The following KCP variants were observed in gnomAD, a reference collection of about 807,000 sequenced individuals.
KCP encodes kielin/chordin-like protein.
A neutral mutation model predicts 212.7 loss-of-function variants in KCP; 194 were observed. The observed-to-expected ratio is 0.91, with a 90% CI of 0.81 to 1.03. The LOEUF (loss-of-function observed/expected upper bound fraction) is 1.03, where lower values mean the gene tolerates loss of function less well. Ranked by LOEUF, KCP falls within the 50% of genes least tolerant of loss-of-function variation. The pLI, the probability that KCP is intolerant of heterozygous loss-of-function variation, is 0.00. For synonymous variants in KCP, 833 were observed against 865.3 expected (o/e 0.96, Z 0.65); for missense variants, 2,080 against 2,162.5 (o/e 0.96, Z 0.76).
chr7:128,885,237 C>T lies in KCP; in HGVS notation c.2900G>A (p.Gly967Asp). Residue 967 changes from glycine (G) to aspartate (D), a missense_variant, in exon 27 of 40, where the codon GGC becomes GAC. Gly to Asp is a moderately conservative substitution (Grantham distance 94). Coordinates refer to ENST00000610776, the MANE Select transcript of KCP (RefSeq NM_001366122.1). ...CLAHGEEHPEGSRWVPPDSAC... is the reference protein window; with the variant it reads ...CLAHGEEHPEDSRWVPPDSAC... ...ACTGTCGGGGGGCACCCATCTACTG[C>T]CTTCGGGGTGCTCTTCCCCATGAGC... The T allele has an allele frequency of 6.5e-7, 1 of 1,548,916 alleles. No individual in the cohort carries two copies. The highest frequency in any genetic ancestry group is 2.4e-5 in the East Asian group (1 of 40,850).
chr7:128,892,884 G>A lies in KCP; in HGVS notation c.1405C>T (p.Pro469Ser). The A allele has an allele frequency of 6.5e-7, 1 of 1,550,138 alleles. No individual in the cohort carries two copies. The highest frequency in any genetic ancestry group is 8.7e-7 in the Non-Finnish European group (1 of 1,146,202). ...AGGCACTCACCAGGGGGCTGGGTGG[G>A]GTGCTGGCAGGGGGCTGGGGGGCAG... Reference protein sequence around the residue: ...VLCPPAPCQHPTQPPGACCPS... With the variant: ...VLCPPAPCQHSTQPPGACCPS... Residue 469 changes from proline to serine, a missense_variant, in exon 14 of 40, where the codon CCC becomes TCC. Pro to Ser is a moderately conservative substitution (Grantham distance 74). Transcript: ENST00000610776.
At position 128,893,441 on chromosome 7, in the gene KCP, C is replaced by G; in HGVS notation, c.1135G>C (p.Glu379Gln). ...CCCCGCTCTTGGAGTCTGAAGGTCT[C>G]CTGGCTCTGATACTGGTGTCCCTGG... ...EYQGHQYQSQ[E>Q]TFRLQERGLC... The change falls in exon 12 of 40, where the codon GAG (glutamate) becomes CAG (glutamine). Residue 379 changes from glutamate (E) to glutamine (Q), a missense_variant. Transcript: ENST00000610776. The G allele has an allele frequency of 6.4e-7, 1 of 1,551,574 alleles. No homozygotes were observed. The highest frequency in any genetic ancestry group is 8.7e-7 in the Non-Finnish European group (1 of 1,146,928).
intron 5 of KCP, 65 bp from the exon 6 acceptor site, chr7:128,904,203 G>T (rs544645962): frequency 1.3e-6 from 2 of 1,525,122 alleles, no homozygotes; most frequent in Non-Finnish European, 1.8e-6. Context: ...ATCACTTGAG[G>T]TAAGGCATGA....
chr7:128,893,495 G>A lies in KCP; in HGVS notation c.1100-19C>T. On this transcript the variant is annotated intron_variant, in intron 11 of 39. Coordinates refer to ENST00000610776, the MANE Select transcript of KCP (RefSeq NM_001366122.1). ...TCACAGCCTGGATGGGATGACAGGGGCGTGGGGGTATAGGGCTGGAGGCAG... is the reference window on the plus strand; with the variant it reads ...TCACAGCCTGGATGGGATGACAGGGACGTGGGGGTATAGGGCTGGAGGCAG... 1 of 1,517,440 alleles carries A rather than the reference G, an allele frequency of 6.6e-7. No homozygotes were observed. Among genetic ancestry groups the A allele is most frequent in the Admixed American group, 2.0e-5 (1 of 50,970 alleles). 94.0% of individuals were successfully genotyped at this position (1,517,440 alleles called of 1,614,324 possible).
At chr7:128,890,539 G>A (rs1794032505) in intron 20 of KCP, 26 bp from the exon 21 acceptor site, 4 of 1,535,490 alleles carry the variant, frequency 2.6e-6, no homozygotes, top group Non-Finnish European at 2.6e-6. Context: ...GGGGCTGGGG[G>A]GCCGTGGGGA....
intron 39 of KCP, 43 bp from the exon 40 acceptor site, chr7:128,877,354 C>T (rs1283355065): frequency 6.5e-7 from 1 of 1,527,380 alleles, no homozygotes; most frequent in East Asian, 2.5e-5. Context: ...GCACCTGAAA[C>T]TGCCCCAGTT....
Position 128,908,587 on chromosome 7 carries a change from C to A in KCP, c.77-19G>T. On this transcript the variant is annotated intron_variant, in intron 1 of 39. Coordinates refer to ENST00000610776, the MANE Select transcript of KCP (RefSeq NM_001366122.1). Reference sequence around the variant, plus strand: ...GCCCCACCTGAAGGGCACAAGAATCCCATGTGGGCCTGAGGGTGAGGGGCT... The same window carrying A: ...GCCCCACCTGAAGGGCACAAGAATCACATGTGGGCCTGAGGGTGAGGGGCT... 1 of 1,545,380 alleles carries A rather than the reference C, an allele frequency of 6.5e-7. No homozygotes were observed. Among genetic ancestry groups the A allele is most frequent in the Non-Finnish European group, 8.8e-7 (1 of 1,142,612 alleles).
intron 28 of KCP, 87 bp downstream of exon 28, chr7:128,884,693 GC>G: frequency 8.1e-7 from 1 of 1,234,460 alleles, no homozygotes. Context: ...CCTGCTCCAT[GC>G]AGTGACCAGC....
chr7:128,893,518 C>A, intron 11 of KCP, 42 bp from the exon 12 acceptor site: 1 of 1,415,054 alleles, frequency 7.1e-7, no homozygotes, highest in African/African-American at 1.4e-5. Flanking sequence ...GGGCTGGAGG[C>A]AGAGGGGAAG....
chr7:128,891,242 G>A lies in KCP; in HGVS notation c.1915C>T (p.Pro639Ser). 6.5e-7 allele frequency: 1 copy of A among 1,546,986 alleles called. No individual in the cohort carries two copies. The highest frequency in any genetic ancestry group is 8.7e-7 in the Non-Finnish European group (1 of 1,146,656). The change falls in exon 19 of 40, where the codon CCG (proline) becomes TCG (serine). Residue 639 changes from proline (P) to serine (S), a missense_variant. Pro to Ser is a moderately conservative substitution (Grantham distance 74). Transcript: ENST00000610776. The part of the protein sequence containing the change: ...NVQCLARRCV[P>S]LPCPEPVLLP... ...AGGACAGGCTCTGGACAGGGCAGCG[G>A]CACGCAGCGGCGGGCCAGGCACTGC...
intron 5 of KCP, 94 bp from the exon 6 acceptor site, chr7:128,904,232 C>T (rs926748378): frequency 4.3e-5 from 66 of 1,522,160 alleles, no homozygotes; most frequent in Non-Finnish European, 5.4e-6. Context: ...AGGTACTGGA[C>T]CCTTGGGGTT....
intron 34 of KCP, 55 bp from the exon 35 acceptor site, chr7:128,880,140 G>GC: frequency 1.1e-5 from 16 of 1,459,176 alleles, no homozygotes; most frequent in Non-Finnish European, 1.3e-5. Context: ...CATGCCTCTC[G>GC]CAGACCCTCC....
Position 128,891,252 on chromosome 7 carries a change from G to A in KCP, c.1905C>T (p.Arg635=), listed in dbSNP as rs575789996. ...CTGGACAGGGCAGCGGCACGCAGCGGCGGGCCAGGCACTGCACGTTGCCGC... is the reference window on the plus strand; with the variant it reads ...CTGGACAGGGCAGCGGCACGCAGCGACGGGCCAGGCACTGCACGTTGCCGC... The part of the protein sequence containing the change: ...CLSGNVQCLA[R]RCVPLPCPEP... Residue 635 remains arginine (R), a synonymous_variant, in exon 19 of 40, where the codon CGC becomes CGT. Coordinates refer to ENST00000610776, the MANE Select transcript of KCP (RefSeq NM_001366122.1). The A allele has an allele frequency of 9.3e-4, 1,437 of 1,546,976 alleles. 13 individuals are homozygous for A. In the African/African-American group the frequency reaches 0.017, roughly 18 times the overall value.
At chr7:128,889,152 C>T (rs781221070) in intron 21 of KCP, 113 bp from the exon 22 acceptor site, 4 of 651,676 alleles carry the variant, frequency 6.1e-6, no homozygotes, top group Middle Eastern at 3.9e-4. Flanking sequence ...AAAGATCTAG[C>T]GTGGGGGCTG....
chr7:128,879,703 C>T lies in KCP; in HGVS notation c.4044+15G>A. On this transcript the variant is annotated intron_variant, in intron 36 of 39. Coordinates refer to ENST00000610776, the MANE Select transcript of KCP (RefSeq NM_001366122.1). ...GCACAGGATCCACCTTCCTCCACTC[C>T]TCGGCTTTGCTCACCGTGACTGCCC... The T allele has an allele frequency of 2.6e-6, 4 of 1,550,040 alleles. No individual in the cohort carries two copies. Among genetic ancestry groups the T allele is most frequent in the Non-Finnish European group, 2.6e-6 (3 of 1,146,856 alleles).
At chr7:128,908,244 A>G (rs750947030) in intron 2 of KCP, among the ~76,000 whole-genome samples, 182 bp downstream of exon 2, 8 of 92,656 alleles carry the variant, frequency 8.6e-5, no homozygotes, top group African/African-American at 3.6e-4. Context: ...AGAAAGGAAG[A>G]AAGAAAGAAG....
chr7:128,877,110 A>G lies in KCP; in HGVS notation c.4820T>C (p.Leu1607Pro), dbSNP rs1333420493. 1.1e-5 allele frequency: 17 copies of G among 1,514,818 alleles called. 1 individual carries two copies. The South Asian group carries it at 2.0e-4, about 18-fold the overall frequency. The allele number at this position is 1,514,818 out of a possible 1,614,324, so 93.8% of individuals were successfully genotyped here. A position where few individuals can be genotyped will look rare whatever the true frequency, so the allele number is the denominator to read the frequency against. The stretch of plus-strand genomic sequence containing the variant: ...ACCAAGTGGCTGGTCTCCAGTGAGC[A>G]GGACTTGGGGGCAGGCCTCGGGTGG... ...CIPPEACPQV[L>P]LTGDQPLGAR... The change falls in exon 40 of 40, where the codon CTG becomes CCG. Residue 1607 changes from leucine (L) to proline (P), a missense_variant. Transcript: ENST00000610776.
rs1563015350 is a variant in KCP, at chr7:128,877,218, TC to T, written c.4711del (p.Glu1571SerfsTer7). On this transcript the variant is annotated frameshift_variant, in exon 40 of 40. Coordinates refer to ENST00000610776, the MANE Select transcript of KCP (RefSeq NM_001366122.1). LOFTEE classifies it high-confidence loss of function. Reference protein sequence around the residue: ...TCFNQHIPLGELAAHCVRPCV... With the variant: ...TCFNQHIPLGXLAAHCVRPCV... ...GGGCCTCACGCAGTGGGCTGCCAGC[TC>T]CCCCAGGGGGATATGCTGATTGAAG... 1.4e-6 allele frequency: 2 copies of T among 1,478,202 alleles called. No individual in the cohort carries two copies. The highest frequency in any genetic ancestry group is 5.0e-5 in the East Asian group (2 of 40,114). The allele number at this position is 1,478,202 out of a possible 1,614,324, so 91.6% of individuals were successfully genotyped here.
At chr7:128,893,554 C>A (rs2128948083) in intron 11 of KCP, 78 bp from the exon 12 acceptor site, 2 of 1,167,576 alleles carry the variant, frequency 1.7e-6, no homozygotes, top group Non-Finnish European at 2.5e-6. Context: ...AGGTGTCCAA[C>A]CCCCACCCTG....
Sources: gnomAD v4.1 joint callset for allele counts (sites outside exome capture counted in the v4.1 genomes callset) on GRCh38, gnomAD v4.1.1 for gene constraint, MANE v1.5 for transcripts, NCBI Gene and HGNC (gene_info 2026-07-23, HGNC 2026-07-21) for gene names.